The following GARRE1 variants were observed in gnomAD, a reference collection of about 807,000 sequenced individuals.
The protein encoded by GARRE1 is granule associated Rac and RHOG effector protein 1.
A neutral mutation model predicts 103.2 loss-of-function variants in GARRE1; 49 were observed. The ratio of observed to expected loss-of-function variants is 0.47; its 90% CI spans 0.38 to 0.60. The LOEUF is 0.60. Ranked by LOEUF, GARRE1 falls within the 20% of genes least tolerant of loss-of-function variation. GARRE1 has a pLI of 0.00. For synonymous variants in GARRE1, 505 were observed against 532.8 expected (o/e 0.95, Z 0.72); for missense variants, 1,199 against 1,370.5 (o/e 0.87, Z 1.98).
chr19:34,331,524 C>A (rs1016390673), intron 7 of GARRE1, among the ~76,000 whole-genome samples: 1 of 151,992 alleles, frequency 6.6e-6, no homozygotes, highest in Non-Finnish European at 1.5e-5. Context: ...AAAGTAACAT[C>A]AACTAAAAAG....
intron 1 of GARRE1, among the ~76,000 whole-genome samples, chr19:34,289,523 G>A (rs1336260985): frequency 6.6e-6 from 1 of 151,822 alleles, no homozygotes; most frequent in East Asian, 1.9e-4. Context: ...TCAGAAGATC[G>A]AGACCATCTG....
rs745380304 is a variant in GARRE1 at position 34,352,657 on chromosome 19, C to T, written c.2915C>T (p.Thr972Ile). The T allele has an allele frequency of 8.7e-6, 14 of 1,608,574 alleles. No individual in the cohort carries two copies. The Admixed American group carries it at 2.0e-4, about 23-fold the overall frequency. The change falls in exon 14 of 14, where the codon ACC becomes ATC. Residue 972 changes from threonine to isoleucine, a missense_variant. Thr to Ile is a moderately conservative substitution (Grantham distance 89, BLOSUM62 -1). Coordinates refer to ENST00000299505, the MANE Select transcript of GARRE1 (RefSeq NM_014686.5). ...TCTTTTGTTTCTCAGGATAACAAAA[C>T]CAAAACGTGGCCACCCAAAGCACCC... ...TVEDVNQDNK[T>I]KTWPPKAPWQ...
intron 7 of GARRE1, among the ~76,000 whole-genome samples, chr19:34,330,624 C>G (rs1204738790): frequency 6.6e-6 from 1 of 151,932 alleles, no homozygotes; most frequent in Non-Finnish European, 1.5e-5. Flanking sequence ...CCATTACAGT[C>G]TGGGCCCCAT....
chr19:34,347,776 G>A lies in GARRE1; in HGVS notation c.2522-101G>A, dbSNP rs192552371. ...GGCACAAGCCTGGCAGCTCCTCACT[G>A]CCTTTCATTGCATGTGTGACCAGCA... On this transcript the variant is annotated intron_variant, in intron 10 of 13. Coordinates refer to ENST00000299505, the MANE Select transcript of GARRE1 (RefSeq NM_014686.5). 2,491 of 1,159,310 alleles carry A rather than the reference G, an allele frequency of 2.1e-3. 6 individuals are homozygous for A. Among genetic ancestry groups the A allele is most frequent in the Non-Finnish European group, 2.3e-3 (1,978 of 843,716 alleles). The allele number at this position is 1,159,310 out of a possible 1,614,324, so 71.8% of individuals were successfully genotyped here. A position where few individuals can be genotyped will look rare whatever the true frequency, so the allele number is the denominator to read the frequency against.
intron 2 of GARRE1, among the ~76,000 whole-genome samples, chr19:34,316,584 TC>T (rs2074061530): frequency 6.6e-6 from 1 of 152,202 alleles, no homozygotes; most frequent in South Asian, 2.1e-4. Context: ...CTCTGTACTC[TC>T]TCAAGAGAAG....
intron 2 of GARRE1, 32 bp from the exon 3 acceptor site, chr19:34,319,875 C>G (rs779735563): frequency 6.2e-7 from 1 of 1,601,150 alleles, no homozygotes; most frequent in East Asian, 2.2e-5. Context: ...CAACCCACAA[C>G]CTAAACATCC....
At chr19:34,296,184 C>T in intron 1 of GARRE1, 1 of 353,752 alleles carries the variant, frequency 2.8e-6, no homozygotes, top group Non-Finnish European at 5.1e-6. Context: ...TTTGTTTGTA[C>T]AAATAGCACA....
chr19:34,276,763 C>T lies in GARRE1; in HGVS notation c.-796+22149C>T, dbSNP rs61740149. ...TAGCTTGCTATAGCAGCCAGTTTCT[C>T]GAGTTTGCGCGACAGTGCCACTGGA... On this transcript the variant is annotated intron_variant, in intron 1 of 13. Transcript: ENST00000299505. Among the ~76,000 whole-genome samples, 328 of 152,342 alleles carry T rather than the reference C, an allele frequency of 2.2e-3. 2 individuals carry two copies. The highest frequency in any genetic ancestry group is 7.5e-3 in the African/African-American group (313 of 41,576).
intron 2 of GARRE1, among the ~76,000 whole-genome samples, chr19:34,303,787 T>A (rs980804427): frequency 6.6e-6 from 1 of 152,162 alleles, no homozygotes; most frequent in Non-Finnish European, 1.5e-5. Context: ...GGCTAATTTT[T>A]GTATTTTTAG....
chr19:34,263,191 T>C (rs1013212618), intron 1 of GARRE1, among the ~76,000 whole-genome samples: 11 of 151,892 alleles, frequency 7.2e-5, no homozygotes, highest in African/African-American at 2.4e-4. Flanking sequence ...CCAGCCTGGG[T>C]GACAGAGCAA....
intron 1 of GARRE1, among the ~76,000 whole-genome samples, chr19:34,257,688 A>C (rs984619018): frequency 6.6e-6 from 1 of 152,138 alleles, no homozygotes; most frequent in African/African-American, 2.4e-5. Context: ...TTAAGGAAAA[A>C]CAGCAACAGG....
intron 2 of GARRE1, among the ~76,000 whole-genome samples, chr19:34,319,152 A>G (rs1257785921): frequency 3.9e-5 from 6 of 152,354 alleles, no homozygotes; most frequent in Admixed American, 6.5e-5. Flanking sequence ...GAAATGCACA[A>G]TCATATCTGA....
intron 8 of GARRE1, among the ~76,000 whole-genome samples, chr19:34,334,600 G>A (rs2074152186): frequency 6.6e-6 from 1 of 151,360 alleles, no homozygotes; most frequent in South Asian, 2.1e-4. Context: ...TCAGGAAGCT[G>A]AGGCACAAGA....
intron 1 of GARRE1, among the ~76,000 whole-genome samples, chr19:34,282,843 G>C (rs768501409): frequency 1.3e-5 from 2 of 152,212 alleles, no homozygotes; most frequent in Non-Finnish European, 2.9e-5. Context: ...CTGCCTCTCT[G>C]TTCTCTTTTG....
intron 10 of GARRE1, among the ~76,000 whole-genome samples, chr19:34,343,788 A>G (rs2074198004): frequency 6.6e-6 from 1 of 152,220 alleles, no homozygotes. Flanking sequence ...TTGAGGCTGC[A>G]GTGAGCCATG....
At chr19:34,314,342 T>C (rs543396825) in intron 2 of GARRE1, among the ~76,000 whole-genome samples, 46 of 152,318 alleles carry the variant, frequency 3.0e-4, no homozygotes, top group African/African-American at 1.1e-3. Flanking sequence ...ACACACAATC[T>C]ACTTTTTGCA....
chr19:34,321,242 T>A (rs1343322156), intron 3 of GARRE1, among the ~76,000 whole-genome samples: 2 of 119,858 alleles, frequency 1.7e-5, no homozygotes, highest in South Asian at 3.0e-4. Flanking sequence ...TTTTTTTTTT[T>A]TTTTTTTGTA....
At chr19:34,264,283 A>G (rs1356831545) in intron 1 of GARRE1, among the ~76,000 whole-genome samples, 2 of 152,174 alleles carry the variant, frequency 1.3e-5, no homozygotes, top group Admixed American at 1.3e-4. Flanking sequence ...AAATAACACA[A>G]AGGGACTTTT....
intron 2 of GARRE1, among the ~76,000 whole-genome samples, chr19:34,312,580 A>G (rs533316048): frequency 1.2e-4 from 19 of 152,226 alleles, no homozygotes; most frequent in Non-Finnish European, 2.5e-4. Context: ...TTCACTTAGC[A>G]TAATGTCTTT....
Sources: gnomAD v4.1 joint callset for allele counts (sites outside exome capture counted in the v4.1 genomes callset) on GRCh38, gnomAD v4.1.1 for gene constraint, MANE v1.5 for transcripts, NCBI Gene and HGNC (gene_info 2026-07-23, HGNC 2026-07-21) for gene names.